The following SHANK2 variants were observed in gnomAD, a reference collection of about 807,000 sequenced individuals.
SHANK2 encodes SH3 and multiple ankyrin repeat domains protein 2.
SHANK2 carries 43 observed loss-of-function variants against 133.7 expected under a neutral mutation model. The ratio of observed to expected loss-of-function variants is 0.32; its 90% CI spans 0.25 to 0.41. The LOEUF is 0.41. Ranked by LOEUF, SHANK2 falls within the 10% of genes least tolerant of loss-of-function variation. The probability of loss-of-function intolerance (pLI) is 1.00; values close to 1 mark genes in which losing one functional copy is unlikely to be tolerated. For missense variants in SHANK2, 1,994 were observed against 2,235.8 expected (o/e 0.89, Z 2.18); for synonymous variants, 1,017 against 952.8 (o/e 1.07, Z -1.24).
At chr11:71,207,599 G>A (rs1954153687) in intron 2 of SHANK2, among the ~76,000 whole-genome samples, 3 of 152,128 alleles carry the variant, frequency 2.0e-5, no homozygotes, top group Admixed American at 2.0e-4. Context: ...CAAGAAAAGG[G>A]GAAATTAGCA....
At chr11:70,887,203 G>C (rs1252902953) in intron 11 of SHANK2, among the ~76,000 whole-genome samples, 1 of 152,158 alleles carries the variant, frequency 6.6e-6, no homozygotes, top group African/African-American at 2.4e-5. Context: ...CATCGTCCAG[G>C]CTCTATGGCA....
intron 25 of SHANK2, among the ~76,000 whole-genome samples, chr11:70,478,910 A>C (rs1555150806): frequency 6.6e-6 from 1 of 152,220 alleles, no homozygotes; most frequent in Non-Finnish European, 1.5e-5. Context: ...CCAGGAATCC[A>C]GGTCTTCAGG....
intron 6 of SHANK2, among the ~76,000 whole-genome samples, chr11:71,101,535 T>C (rs1198498109): frequency 6.6e-6 from 1 of 152,240 alleles, no homozygotes; most frequent in Non-Finnish European, 1.5e-5. Context: ...GGGTAATTTC[T>C]GCACCTCTCA....
At chr11:70,944,264 C>A (rs1950688106) in intron 10 of SHANK2, among the ~76,000 whole-genome samples, 1 of 152,228 alleles carries the variant, frequency 6.6e-6, no homozygotes, top group African/African-American at 2.4e-5. Flanking sequence ...TTCTGAGTCA[C>A]CCTCTCCCAG....
At chr11:70,729,164 T>A (rs1294045173) in intron 14 of SHANK2, among the ~76,000 whole-genome samples, 2 of 148,112 alleles carry the variant, frequency 1.4e-5, no homozygotes, top group East Asian at 3.9e-4. Context: ...ACCACTGCAC[T>A]CCAGCCTGGG....
chr11:70,623,308 C>T (rs1565188901), intron 17 of SHANK2, among the ~76,000 whole-genome samples: 1 of 101,728 alleles, frequency 9.8e-6, no homozygotes, highest in East Asian at 2.1e-4. Flanking sequence ...GGGCTCTAAG[C>T]CCACCTCCTC....
intron 17 of SHANK2, among the ~76,000 whole-genome samples, chr11:70,596,772 C>T (rs1218684876): frequency 1.3e-5 from 2 of 152,144 alleles, no homozygotes; most frequent in Non-Finnish European, 2.9e-5. Flanking sequence ...TGGTGGGGTA[C>T]ACTCAGGGGC....
chr11:71,174,314 A>G (rs1339017681), intron 2 of SHANK2, among the ~76,000 whole-genome samples: 1 of 152,126 alleles, frequency 6.6e-6, no homozygotes, highest in Non-Finnish European at 1.5e-5. Context: ...CTGAGGCGGG[A>G]GGATCATTTG....
At chr11:70,793,592 A>G (rs1565320353) in intron 14 of SHANK2, among the ~76,000 whole-genome samples, 1 of 152,234 alleles carries the variant, frequency 6.6e-6, no homozygotes, top group Non-Finnish European at 1.5e-5. Context: ...ATGCCTAATC[A>G]TCATCCCCAG....
intron 6 of SHANK2, among the ~76,000 whole-genome samples, chr11:71,107,490 T>C (rs976239754): frequency 1.7e-4 from 26 of 152,186 alleles, no homozygotes; most frequent in Non-Finnish European, 2.9e-4. Flanking sequence ...CGTGGGAATA[T>C]TTCAGAACGT....
At chr11:71,137,601 C>T (rs1167780997) in intron 3 of SHANK2, among the ~76,000 whole-genome samples, 3 of 152,142 alleles carry the variant, frequency 2.0e-5, no homozygotes, top group Admixed American at 1.3e-4. Flanking sequence ...GTGCTGGCTG[C>T]AGGGAGCTGG....
intron 11 of SHANK2, among the ~76,000 whole-genome samples, chr11:70,833,200 G>A (rs1441966839): frequency 6.6e-6 from 1 of 152,264 alleles, no homozygotes; most frequent in Non-Finnish European, 1.5e-5. Flanking sequence ...ACAATGTCAA[G>A]CTCCTGCCAG....
At chr11:70,904,006 C>T (rs1165154159) in intron 10 of SHANK2, among the ~76,000 whole-genome samples, 4 of 152,194 alleles carry the variant, frequency 2.6e-5, no homozygotes, top group Admixed American at 2.6e-4. Context: ...CGACCTGGTG[C>T]TTCCTCCAAA....
intron 11 of SHANK2, among the ~76,000 whole-genome samples, chr11:70,851,651 C>G (rs1302157219): frequency 1.3e-5 from 2 of 152,194 alleles, no homozygotes; most frequent in Non-Finnish European, 2.9e-5. Flanking sequence ...TATGGACCAC[C>G]TAGCTGGACT....
chr11:70,781,570 A>ATATATATATATC (rs1947495064), intron 14 of SHANK2, among the ~76,000 whole-genome samples: 1 of 116,344 alleles, frequency 8.6e-6, no homozygotes, highest in African/African-American at 3.2e-5. Context: ...ATATATATAT[A>ATATATATATATC]TATATATATA....
intron 15 of SHANK2, chr11:70,669,455 G>C (rs919357263): frequency 2.6e-5 from 4 of 152,556 alleles, no homozygotes. Context: ...GCATTCGGTG[G>C]GGGGCGTTGC....
intron 17 of SHANK2, among the ~76,000 whole-genome samples, chr11:70,605,889 C>T (rs574671950): frequency 6.6e-6 from 1 of 152,034 alleles, no homozygotes; most frequent in Non-Finnish European, 1.5e-5. Flanking sequence ...CTGAAGCCAG[C>T]GAGGAAGGAG....
intron 20 of SHANK2, among the ~76,000 whole-genome samples, 162 bp downstream of exon 20, chr11:70,501,761 C>T (rs1402328799): frequency 6.7e-6 from 1 of 150,118 alleles, no homozygotes; most frequent in Non-Finnish European, 1.5e-5. Flanking sequence ...CTGCCAAGCC[C>T]ACGCTATCTA....
chr11:70,818,004 G>A (rs1254621378), intron 12 of SHANK2, among the ~76,000 whole-genome samples: 1 of 152,210 alleles, frequency 6.6e-6, no homozygotes, highest in East Asian at 1.9e-4. Flanking sequence ...CAAAGTGCTA[G>A]GATTACAGGT....
Sources: allele counts gnomAD v4.1 joint callset (sites outside exome capture counted in the v4.1 genomes callset), GRCh38; gene constraint gnomAD v4.1.1; transcripts MANE v1.5; gene names NCBI Gene and HGNC (gene_info 2026-07-23, HGNC 2026-07-21).